NFIA: variants seen among roughly 807,000 people sequenced by gnomAD.
The protein encoded by NFIA is nuclear factor 1 A-type.
A neutral mutation model predicts 62.8 loss-of-function variants in NFIA; 8 were observed. The ratio of observed to expected loss-of-function variants is 0.13; its 90% confidence interval spans 0.07 to 0.23. The LOEUF (loss-of-function observed/expected upper bound fraction) is 0.23, where lower values mean the gene tolerates loss of function less well. NFIA is among the 10% of genes least tolerant of loss of function. The pLI is 1.00. For missense variants in NFIA, 410 were observed against 642.1 expected (o/e 0.64, Z 3.91); for synonymous variants, 235 against 238.1 (o/e 0.99, Z 0.12).
intron 2 of NFIA, among the ~76,000 whole-genome samples, chr1:61,111,855 G>A (rs1469255762): frequency 6.6e-6 from 1 of 152,042 alleles, no homozygotes. Flanking sequence ...AAAAATGATG[G>A]TATTTGTAAA....
At chr1:61,376,264 G>A (rs1024368697) in intron 6 of NFIA, among the ~76,000 whole-genome samples, 4 of 152,124 alleles carry the variant, frequency 2.6e-5, no homozygotes, top group African/African-American at 9.7e-5. Flanking sequence ...GTAATATATA[G>A]TCTAGGCTTG....
At chr1:61,276,803 T>C (rs1657833342) in intron 2 of NFIA, among the ~76,000 whole-genome samples, 2 of 152,184 alleles carry the variant, frequency 1.3e-5, no homozygotes, top group South Asian at 2.1e-4. Flanking sequence ...TTTGAAAATA[T>C]GATTATATTT....
rs1182091785 is a variant in NFIA at position 61,082,565 on chromosome 1, TTAAAG to T, written c.-225_-221del. 12 of 1,455,284 alleles carry T rather than the reference TTAAAG, an allele frequency of 8.2e-6. No individual in the cohort carries two copies. In the East Asian group the frequency reaches 2.9e-4, roughly 35 times the overall value. The allele number at this position is 1,455,284 out of a possible 1,614,324, so 90.1% of individuals were successfully genotyped here. ...GAGTGTAGGGAAACTCTAGGCGGGGTTAAAGTTCAGCTCATGGAGCGGCAATAGCG... is the reference window on the plus strand; with the variant it reads ...GAGTGTAGGGAAACTCTAGGCGGGGTTTCAGCTCATGGAGCGGCAATAGCG... On this transcript the variant is annotated 5_prime_UTR_variant, in exon 1 of 11. Transcript: ENST00000403491.
At chr1:61,372,588 A>G (rs76267212) in intron 6 of NFIA, among the ~76,000 whole-genome samples, 1 of 151,018 alleles carries the variant, frequency 6.6e-6, no homozygotes, top group African/African-American at 2.4e-5. Context: ...AAAAAAAAAA[A>G]GCAAACTATT....
chr1:61,191,483 A>G (rs77900306), intron 2 of NFIA, among the ~76,000 whole-genome samples: 484 of 151,886 alleles, frequency 3.2e-3, no homozygotes, highest in Non-Finnish European at 5.3e-3. Context: ...CTTTCCCAGC[A>G]CCATTTATTT....
chr1:61,098,470 C>T (rs1646454632), intron 2 of NFIA, among the ~76,000 whole-genome samples: 1 of 152,170 alleles, frequency 6.6e-6, no homozygotes, highest in Non-Finnish European at 1.5e-5. Context: ...AGTTGGCTTT[C>T]CTCCCCCTCT....
At chr1:61,315,049 A>C (rs969237604) in intron 3 of NFIA, among the ~76,000 whole-genome samples, 92 of 152,188 alleles carry the variant, frequency 6.0e-4, no homozygotes, top group African/African-American at 2.0e-3. Flanking sequence ...ACAAAAAAAA[A>C]CACTACATTT....
At chr1:61,423,009 A>G (rs1439861212) in intron 9 of NFIA, among the ~76,000 whole-genome samples, 1 of 152,154 alleles carries the variant, frequency 6.6e-6, no homozygotes, top group Non-Finnish European at 1.5e-5. Context: ...CACAGAAAGA[A>G]TGCAAATTTT....
chr1:61,368,720 G>A (rs1663729811), intron 6 of NFIA, among the ~76,000 whole-genome samples: 1 of 152,104 alleles, frequency 6.6e-6, no homozygotes, highest in Admixed American at 6.6e-5. Flanking sequence ...AAATCAAAAT[G>A]CTGTAAAGAA....
In NFIA at chr1:61,167,392, T is replaced by C. The variant is rs367664368; in HGVS notation, c.559+78712T>C. 2.8e-4 allele frequency among the ~76,000 whole-genome samples: 43 copies of C among 152,348 alleles called. No homozygotes were observed. In the East Asian group the frequency reaches 4.6e-3, roughly 16 times the overall value. ...TCTTTGTAGAGTCATTATGATATTATTTCATAGCTATTAAAATTTGCTATC... is the reference window on the plus strand; with the variant it reads ...TCTTTGTAGAGTCATTATGATATTACTTCATAGCTATTAAAATTTGCTATC... On this transcript the variant is annotated intron_variant, in intron 2 of 10. Transcript: ENST00000403491.
chr1:61,311,988 T>C (rs1456990346), intron 3 of NFIA, among the ~76,000 whole-genome samples: 1 of 152,288 alleles, frequency 6.6e-6, no homozygotes, highest in East Asian at 1.9e-4. Context: ...TATTAGGAAA[T>C]GGTGCCCATT....
In NFIA at chr1:61,277,549, C is replaced by A; in HGVS notation, c.589C>A (p.Pro197Thr). ...AAGTCAATCTGAAAGTCCCAGCCAG[C>A]CAAGTGACGCTGACATTAAGGACCA... ...DSSQSESPSQ[P>T]SDADIKDQPE... Residue 197 changes from proline (P) to threonine (T), a missense_variant, in exon 3 of 11, where the codon CCA (proline) becomes ACA (threonine). Pro to Thr is a conservative substitution (Grantham distance 38, BLOSUM62 -1). Around this residue, in one of 3 missense-constraint regions of NFIA, gnomAD observed 298 missense variants for 438.1 expected, o/e 0.68. Coordinates refer to ENST00000403491, the MANE Select transcript of NFIA (RefSeq NM_001134673.4). 1 of 1,613,800 alleles carries A rather than the reference C, an allele frequency of 6.2e-7. No individual in the cohort carries two copies. Among genetic ancestry groups the A allele is most frequent in the Non-Finnish European group, 8.5e-7 (1 of 1,179,796 alleles).
At chr1:61,227,689 C>A (rs1411308052) in intron 2 of NFIA, among the ~76,000 whole-genome samples, 2 of 152,126 alleles carry the variant, frequency 1.3e-5, no homozygotes, top group Non-Finnish European at 2.9e-5. Context: ...TGTATGTGTG[C>A]TAATTTACTA....
intron 2 of NFIA, among the ~76,000 whole-genome samples, chr1:61,161,117 A>C (rs1412007792): frequency 6.6e-6 from 1 of 152,050 alleles, no homozygotes; most frequent in East Asian, 1.9e-4. Flanking sequence ...ATTTCACCAT[A>C]TTGGCCAGGC....
chr1:61,221,572 A>G (rs1654018995), intron 2 of NFIA, among the ~76,000 whole-genome samples: 1 of 152,188 alleles, frequency 6.6e-6, no homozygotes, highest in Non-Finnish European at 1.5e-5. Context: ...CAAATCGTTG[A>G]TAGTTTTGCA....
chr1:61,098,482 C>A (rs1646455629), intron 2 of NFIA, among the ~76,000 whole-genome samples: 1 of 152,184 alleles, frequency 6.6e-6, no homozygotes. Context: ...TCCCCCTCTT[C>A]TTTTAAATGG....
chr1:61,135,539 G>C (rs1294011253), intron 2 of NFIA, among the ~76,000 whole-genome samples: 1 of 152,082 alleles, frequency 6.6e-6, no homozygotes, highest in Non-Finnish European at 1.5e-5. Context: ...CAAGTAGCTG[G>C]GACTACTGGC....
chr1:61,175,718 G>T (rs74559630), intron 2 of NFIA, among the ~76,000 whole-genome samples: 1 of 152,324 alleles, frequency 6.6e-6, no homozygotes, highest in Non-Finnish European at 1.5e-5. Flanking sequence ...GTGTAAGTCA[G>T]TTATTTCACA....
intron 2 of NFIA, among the ~76,000 whole-genome samples, chr1:61,265,321 A>G (rs1382814117): frequency 6.6e-6 from 1 of 152,228 alleles, no homozygotes; most frequent in African/African-American, 2.4e-5. Context: ...AGCACTGCAT[A>G]TGTCAGGGAG....
Sources: gnomAD v4.1 joint callset for allele counts (sites outside exome capture counted in the v4.1 genomes callset) on GRCh38, gnomAD v4.1.1 for gene constraint, gnomAD v4.1.1 regional missense constraint, MANE v1.5 for transcripts, NCBI Gene and HGNC (gene_info 2026-07-23, HGNC 2026-07-21) for gene names.